LMBR1: variants seen among roughly 807,000 people sequenced by gnomAD.
LMBR1 encodes limb development membrane protein 1.
Under a neutral mutation model 73.9 loss-of-function variants are expected in LMBR1, and 52 were observed. That is an observed-to-expected ratio of 0.70 (90% confidence interval 0.56 to 0.89). LMBR1 has a LOEUF of 0.89. Ranked by LOEUF, LMBR1 falls within the 40% of genes least tolerant of loss-of-function variation. The probability of loss-of-function intolerance (pLI) is 0.00; values close to 1 mark genes in which losing one functional copy is unlikely to be tolerated. For synonymous variants in LMBR1, 215 were observed against 209.4 expected, an observed-to-expected ratio of 1.03 and a Z score of -0.23; for missense variants, 539 against 579.8, an observed-to-expected ratio of 0.93 and a Z score of 0.72.
chr7:156,782,083 A>T (rs777110276), intron 5 of LMBR1, among the ~76,000 whole-genome samples: 6 of 152,212 alleles, frequency 3.9e-5, no homozygotes, highest in Non-Finnish European at 7.3e-5. Flanking sequence ...ATCATATAGA[A>T]TTTGTCCTTT....
At chr7:156,708,349 G>A (rs1285747810) in intron 15 of LMBR1, among the ~76,000 whole-genome samples, 1 of 152,178 alleles carries the variant, frequency 6.6e-6, no homozygotes, top group African/African-American at 2.4e-5. Context: ...ACCTTCCTCT[G>A]AACACACATC....
chr7:156,787,356 T>C (rs888130484), intron 5 of LMBR1, among the ~76,000 whole-genome samples: 4 of 152,322 alleles, frequency 2.6e-5, no homozygotes, highest in East Asian at 3.9e-4. Flanking sequence ...TCTGGCTTTC[T>C]TGAGAACTTA....
At chr7:156,783,036 C>T (rs1431223458) in intron 5 of LMBR1, among the ~76,000 whole-genome samples, 1 of 152,192 alleles carries the variant, frequency 6.6e-6, no homozygotes, top group African/African-American at 2.4e-5. Flanking sequence ...CTATTCTTGG[C>T]TTTCTGCACT....
chr7:156,711,138 A>G (rs773190773), intron 15 of LMBR1, among the ~76,000 whole-genome samples: 5 of 152,078 alleles, frequency 3.3e-5, no homozygotes, highest in Admixed American at 6.6e-5. Flanking sequence ...GTGAAACCCT[A>G]TCTCTACTAA....
chr7:156,861,835 T>A (rs1797763572), intron 1 of LMBR1, among the ~76,000 whole-genome samples: 1 of 152,188 alleles, frequency 6.6e-6, no homozygotes, highest in Admixed American at 6.5e-5. Flanking sequence ...CCCAACAAGT[T>A]TCTCCTCTCC....
At chr7:156,838,985 T>C (rs909230811) in intron 1 of LMBR1, among the ~76,000 whole-genome samples, 1 of 152,094 alleles carries the variant, frequency 6.6e-6, no homozygotes. Flanking sequence ...TTGAACACAT[T>C]TTCATATACC....
intron 4 of LMBR1, among the ~76,000 whole-genome samples, chr7:156,819,059 C>T (rs1487283236): frequency 6.6e-6 from 1 of 152,182 alleles, no homozygotes; most frequent in African/African-American, 2.4e-5. Flanking sequence ...GGTCTCCTAA[C>T]TCCAATGCTC....
chr7:156,728,688 T>C lies in LMBR1; in HGVS notation c.871A>G (p.Asn291Asp). 3 of 1,603,720 alleles carry C rather than the reference T, an allele frequency of 1.9e-6. No individual in the cohort carries two copies. Among genetic ancestry groups the C allele is most frequent in the Non-Finnish European group, 2.5e-6 (3 of 1,177,430 alleles). ...RRKKASAWER[N>D]LVYPAVMVLL... The stretch of plus-strand genomic sequence containing the variant: ...ACCATAACAGCGGGATACACCAAAT[T>C]TCTTTCCCATGCTGAAGCCTTTTTT... Residue 291 changes from asparagine to aspartate, a missense_variant, in exon 11 of 17, where the codon AAT becomes GAT. Around this residue, in one of 3 missense-constraint regions of LMBR1, gnomAD observed 454 missense variants for 473.4 expected, o/e 0.96. Coordinates refer to ENST00000353442, the MANE Select transcript of LMBR1 (RefSeq NM_022458.4).
chr7:156,747,246 T>G (rs757420297), intron 9 of LMBR1, among the ~76,000 whole-genome samples: 4 of 152,136 alleles, frequency 2.6e-5, no homozygotes, highest in Non-Finnish European at 4.4e-5. Flanking sequence ...ATAACTTTGA[T>G]CAAGTAAGTA....
intron 1 of LMBR1, among the ~76,000 whole-genome samples, chr7:156,843,614 C>T (rs6967605): frequency 3.3e-5 from 5 of 151,772 alleles, no homozygotes; most frequent in African/African-American, 7.3e-5. Context: ...GGGAGGCTAA[C>T]GCAGTTGGAT....
intron 4 of LMBR1, among the ~76,000 whole-genome samples, chr7:156,671,473 G>A (rs923948831): frequency 4.6e-5 from 7 of 152,106 alleles, no homozygotes; most frequent in African/African-American, 1.7e-4. Flanking sequence ...ACACCACACC[G>A]AGCAACGGCA....
chr7:156,750,103 T>C (rs11763288), intron 9 of LMBR1, among the ~76,000 whole-genome samples: 15,388 of 152,234 alleles, frequency 0.1, 1,086 homozygotes, highest in East Asian at 0.28. Context: ...GACTATGATA[T>C]TTTAAAATAA....
chr7:156,886,262 C>T (rs1295959793), intron 1 of LMBR1, among the ~76,000 whole-genome samples: 2 of 152,172 alleles, frequency 1.3e-5, no homozygotes, highest in South Asian at 4.1e-4. Context: ...AACAGACCTT[C>T]AAGGGAGGAT....
intron 15 of LMBR1, among the ~76,000 whole-genome samples, chr7:156,709,160 T>A (rs1299914636): frequency 1.3e-5 from 2 of 152,124 alleles, no homozygotes; most frequent in East Asian, 3.9e-4. Context: ...CCAGAATACT[T>A]ACCTTGGCCA....
chr7:156,826,997 C>A (rs1835816587), intron 3 of LMBR1, among the ~76,000 whole-genome samples: 1 of 152,068 alleles, frequency 6.6e-6, no homozygotes, highest in Non-Finnish European at 1.5e-5. Flanking sequence ...TAAAGACATA[C>A]TGAAGACACA....
rs1336463756 is a variant in LMBR1 at position 156,678,882 on chromosome 7, A to G, written c.*5196T>C. 1 of 152,170 alleles carries G rather than the reference A, an allele frequency of 6.6e-6. No homozygotes were observed. Among genetic ancestry groups the G allele is most frequent in the Non-Finnish European group, 1.5e-5 (1 of 68,026 alleles). The allele number at this position is 152,170 out of a possible 1,614,324, so 9.4% of individuals were successfully genotyped here. On this transcript the variant is annotated 3_prime_UTR_variant, in exon 17 of 17. Coordinates refer to ENST00000353442, the MANE Select transcript of LMBR1 (RefSeq NM_022458.4). ...CATGGGCGGGGGGAATCATTAAATC[A>G]CTATCAAGTCCAGAAAGAGAATTCT... is the stretch of plus-strand genomic sequence containing the variant.
chr7:156,878,854 G>C lies in LMBR1; in HGVS notation c.66+14074C>G, dbSNP rs188131077. 6.6e-4 allele frequency among the ~76,000 whole-genome samples: 101 copies of C among 152,262 alleles called. 1 individual carries two copies. The highest frequency in any genetic ancestry group is 3.4e-3 in the Middle Eastern group (1 of 294). On this transcript the variant is annotated intron_variant, in intron 1 of 16. Coordinates refer to ENST00000353442, the MANE Select transcript of LMBR1 (RefSeq NM_022458.4). Reference sequence around the variant, plus strand: ...ACAGCATGGTACTAGTATAAAAATAGGCACACAGACCAACGGAACAGAATG... The same window carrying C: ...ACAGCATGGTACTAGTATAAAAATACGCACACAGACCAACGGAACAGAATG...
Position 156,679,546 on chromosome 7 carries a change from G to A in LMBR1, c.*4532C>T, listed in dbSNP as rs952914155. ...AAATATGCTTGGTTCTGAAGTGTCA[G>A]TGTTTGTAAGCGGCATCGTTCATTC... On this transcript the variant is annotated 3_prime_UTR_variant, in exon 17 of 17. Coordinates refer to ENST00000353442, the MANE Select transcript of LMBR1 (RefSeq NM_022458.4). 1.3e-5 allele frequency: 2 copies of A among 152,190 alleles called. No individual in the cohort carries two copies. The highest frequency in any genetic ancestry group is 4.8e-5 in the African/African-American group (2 of 41,450). 9.4% of individuals were successfully genotyped at this position (152,190 alleles called of 1,614,324 possible).
chr7:156,839,816 T>C (rs1380191017), intron 1 of LMBR1, among the ~76,000 whole-genome samples: 1 of 152,182 alleles, frequency 6.6e-6, no homozygotes, highest in African/African-American at 2.4e-5. Context: ...CACGTACCTG[T>C]TGGGAACACT....
Sources: gnomAD v4.1 joint callset for allele counts (sites outside exome capture counted in the v4.1 genomes callset) on GRCh38, gnomAD v4.1.1 for gene constraint, gnomAD v4.1.1 regional missense constraint, MANE v1.5 for transcripts, NCBI Gene and HGNC (gene_info 2026-07-23, HGNC 2026-07-21) for gene names.